The following AAGAB variants were observed in gnomAD, a reference collection of about 807,000 sequenced individuals.
AAGAB encodes alpha and gamma adaptin binding protein.
A neutral mutation model predicts 44.1 loss-of-function variants in AAGAB; 38 were observed. The ratio of observed to expected loss-of-function variants is 0.86; its 90% CI spans 0.67 to 1.13. AAGAB has a LOEUF of 1.13. Among genes scored for constraint, AAGAB ranks in the 50% most tolerant of loss-of-function variants. AAGAB has a pLI of 0.00. For synonymous variants in AAGAB, 131 were observed against 131.8 expected, an observed-to-expected ratio of 0.99 and a Z score of 0.04; for missense variants, 450 against 373.8, an observed-to-expected ratio of 1.20 and a Z score of -1.68.
At chr15:67,223,900 C>T (rs1002967388) in intron 5 of AAGAB, among the ~76,000 whole-genome samples, 32 of 152,316 alleles carry the variant, frequency 2.1e-4, no homozygotes, top group African/African-American at 7.7e-4. Context: ...TATAGCTGTT[C>T]CCTGTCCCTG....
At chr15:67,251,459 T>C (rs1964871434) in intron 1 of AAGAB, among the ~76,000 whole-genome samples, 3 of 152,206 alleles carry the variant, frequency 2.0e-5, no homozygotes, top group Non-Finnish European at 4.4e-5. Context: ...TCTCCCTATG[T>C]TGCCCAGGCT....
At chr15:67,218,161 C>CT (rs1963993034) in intron 5 of AAGAB, among the ~76,000 whole-genome samples, 1 of 152,218 alleles carries the variant, frequency 6.6e-6, no homozygotes, top group South Asian at 2.1e-4. Flanking sequence ...AGTCACAACT[C>CT]TGTAACATTT....
In AAGAB at chr15:67,202,001, G is replaced by A. The variant is rs1184503014; in HGVS notation, c.*820C>T. 2 of 152,252 alleles carry A rather than the reference G, an allele frequency of 1.3e-5. No homozygotes were observed. The highest frequency in any genetic ancestry group is 1.5e-5 in the Non-Finnish European group (1 of 68,062). The allele number at this position is 152,252 out of a possible 1,614,324, so 9.4% of individuals were successfully genotyped here. A position where few individuals can be genotyped will look rare whatever the true frequency, so the allele number is the denominator to read the frequency against. ...TGCAGGTGTGCAACAACACAGCTCT[G>A]GCATCTCAAGCAGCAGGGGAGAACT... On this transcript the variant is annotated 3_prime_UTR_variant, in exon 10 of 10. Coordinates refer to ENST00000261880, the MANE Select transcript of AAGAB (RefSeq NM_024666.5).
At chr15:67,252,324 T>C (rs1163454902) in intron 1 of AAGAB, among the ~76,000 whole-genome samples, 1 of 152,236 alleles carries the variant, frequency 6.6e-6, no homozygotes, top group African/African-American at 2.4e-5. Flanking sequence ...CTAATGCATG[T>C]AAGTCTTTTG....
At chr15:67,222,697 T>C (rs1247372994) in intron 5 of AAGAB, among the ~76,000 whole-genome samples, 3 of 152,036 alleles carry the variant, frequency 2.0e-5, no homozygotes, top group Non-Finnish European at 4.4e-5. Context: ...TCTGGCAAGT[T>C]TCCCTTCTCT....
rs149102162 is a variant in AAGAB, at chr15:67,239,912, C to T, written c.74-3092G>A. Among the ~76,000 whole-genome samples the T allele has an allele frequency of 2.0e-3, 299 of 152,308 alleles. 1 individual carries two copies. The highest frequency in any genetic ancestry group is 6.6e-3 in the African/African-American group (275 of 41,560). On this transcript the variant is annotated intron_variant, in intron 1 of 9. Transcript: ENST00000261880. ...TTTCTGGAGAGCAGCTAATATAATT[C>T]ACTCATTTTACAGATGAGGAAACTG...
Position 67,209,498 on chromosome 15 carries a change from G to A in AAGAB, c.582C>T (p.Asn194=). The change falls in exon 6 of 10, where the codon AAC becomes AAT. Residue 194 remains asparagine (N), a synonymous_variant. Transcript: ENST00000261880. ...AGGGATCTGCTGACCCAATGCTATG[G>A]TTTGTTCCAGTCAATGAGTTGAGAA... ...FSLLNSLTGT[N]HSIGSADPCH... is the part of the protein sequence containing the mutation. 6.2e-7 allele frequency: 1 copy of A among 1,614,154 alleles called. No homozygotes were observed. Among genetic ancestry groups the A allele is most frequent in the South Asian group, 1.1e-5 (1 of 91,084 alleles).
intron 1 of AAGAB, chr15:67,254,232 C>T: frequency 2.8e-6 from 1 of 356,252 alleles, no homozygotes; most frequent in Non-Finnish European, 5.0e-6. Flanking sequence ...ACCTTACACT[C>T]CTGTAACCTA....
At chr15:67,208,326 G>A (rs1963731236) in intron 7 of AAGAB, among the ~76,000 whole-genome samples, 1 of 152,218 alleles carries the variant, frequency 6.6e-6, no homozygotes, top group African/African-American at 2.4e-5. Context: ...AAGATTATCT[G>A]AATCAAGATC....
intron 1 of AAGAB, among the ~76,000 whole-genome samples, chr15:67,239,844 C>T (rs1964554507): frequency 6.6e-6 from 1 of 152,010 alleles, no homozygotes; most frequent in South Asian, 2.1e-4. Context: ...TATTCTTTTC[C>T]AAATTAAAAT....
rs137941915 is a variant in AAGAB at position 67,231,032 on chromosome 15, C to T, written c.535+782G>A. ...ATGCTAGGTGATATTCTCTTAGTGACCCTAGAATACACAACTTTTTTTTTT... is the reference window on the plus strand; with the variant it reads ...ATGCTAGGTGATATTCTCTTAGTGATCCTAGAATACACAACTTTTTTTTTT... On this transcript the variant is annotated intron_variant, in intron 5 of 9. Transcript: ENST00000261880. Among the ~76,000 whole-genome samples the T allele has an allele frequency of 1.9e-3, 284 of 152,260 alleles. 1 individual carries two copies. The highest frequency in any genetic ancestry group is 5.2e-3 in the Admixed American group (80 of 15,288).
intron 1 of AAGAB, among the ~76,000 whole-genome samples, chr15:67,241,272 G>A (rs1298232226): frequency 6.6e-6 from 1 of 152,124 alleles, no homozygotes; most frequent in African/African-American, 2.4e-5. Flanking sequence ...GACATTCTTT[G>A]TGAAGCAAAG....
intron 1 of AAGAB, among the ~76,000 whole-genome samples, chr15:67,250,024 C>T (rs567346792): frequency 4.3e-4 from 65 of 152,316 alleles, no homozygotes; most frequent in Middle Eastern, 3.4e-3. Flanking sequence ...ACTACAGTTG[C>T]TGAGTTGGCA....
intron 7 of AAGAB, among the ~76,000 whole-genome samples, chr15:67,207,759 T>C (rs1199631577): frequency 1.3e-5 from 2 of 152,186 alleles, no homozygotes; most frequent in Non-Finnish European, 2.9e-5. Flanking sequence ...TTTGTTTTAA[T>C]GGCAGAGACT....
chr15:67,222,336 G>T (rs1170611307), intron 5 of AAGAB, among the ~76,000 whole-genome samples: 2 of 150,158 alleles, frequency 1.3e-5, no homozygotes, highest in East Asian at 4.0e-4. Flanking sequence ...TTCAAGTTGG[G>T]TCCCTTAATG....
At chr15:67,247,411 G>A (rs1010710626) in intron 1 of AAGAB, among the ~76,000 whole-genome samples, 2 of 152,158 alleles carry the variant, frequency 1.3e-5, no homozygotes, top group African/African-American at 4.8e-5. Flanking sequence ...TAAACCAAAT[G>A]ACCACTGCAT....
chr15:67,254,494 G>T, intron 1 of AAGAB, 65 bp downstream of exon 1: 1 of 1,530,588 alleles, frequency 6.5e-7, no homozygotes, highest in Non-Finnish European at 8.8e-7. Context: ...AGGCCGTGGT[G>T]CTGGGTCCGT....
At chr15:67,231,931 G>A in intron 4 of AAGAB, 34 bp from the exon 5 acceptor site, 2 of 1,531,678 alleles carry the variant, frequency 1.3e-6, no homozygotes, top group Middle Eastern at 1.7e-4. Context: ...ATATTTATAT[G>A]CAACACTCAC....
intron 5 of AAGAB, among the ~76,000 whole-genome samples, chr15:67,222,447 G>A (rs1413649390): frequency 1.3e-5 from 2 of 151,434 alleles, no homozygotes; most frequent in African/African-American, 2.4e-5. Flanking sequence ...AAATCCTAAC[G>A]CTACCTCCTC....
Sources: gnomAD v4.1 joint callset for allele counts (sites outside exome capture counted in the v4.1 genomes callset) on GRCh38, gnomAD v4.1.1 for gene constraint, MANE v1.5 for transcripts, NCBI Gene and HGNC (gene_info 2026-07-23, HGNC 2026-07-21) for gene names.